Variants in PLXDC2 observed in about 807,000 individuals in gnomAD.
PLXDC2 encodes plexin domain containing 2.
Under a neutral mutation model 68.9 loss-of-function variants are expected in PLXDC2, and 40 were observed. The observed-to-expected ratio is 0.58, with a 90% CI of 0.45 to 0.76. The LOEUF (loss-of-function observed/expected upper bound fraction) is 0.76, where lower values mean the gene tolerates loss of function less well. Among genes scored for constraint, PLXDC2 ranks in the 30% least tolerant of loss-of-function variants. The pLI is 0.00. For missense variants in PLXDC2, 644 were observed against 661.9 expected (o/e 0.97, Z 0.30); for synonymous variants, 243 against 234.2 (o/e 1.04, Z -0.34).
chr10:19,893,674 G>A (rs186153273), intron 1 of PLXDC2, among the ~76,000 whole-genome samples: 2 of 152,330 alleles, frequency 1.3e-5, no homozygotes, highest in East Asian at 1.9e-4. Context: ...CATTAGATGT[G>A]TATGTAATAA....
At position 20,283,959 on chromosome 10, in the gene PLXDC2, G is replaced by A. The variant is rs535575832; in HGVS notation, c.*4140G>A. The A allele has an allele frequency of 9.2e-5, 14 of 152,004 alleles. 1 individual carries two copies. Among genetic ancestry groups the A allele is most frequent in the African/African-American group, 2.9e-4 (12 of 41,466 alleles). The allele number at this position is 152,004 out of a possible 1,614,324, so 9.4% of individuals were successfully genotyped here. ...GGTTAGTATCATTTATCAGTTTTTC[G>A]CAACAGATTCTTATGTTACATCTTC... is the stretch of plus-strand genomic sequence containing the variant. On this transcript the variant is annotated 3_prime_UTR_variant, in exon 14 of 14. Coordinates refer to ENST00000377252, the MANE Select transcript of PLXDC2 (RefSeq NM_032812.9).
chr10:20,067,146 T>C (rs1190663985), intron 3 of PLXDC2, among the ~76,000 whole-genome samples: 2 of 152,188 alleles, frequency 1.3e-5, no homozygotes, highest in Non-Finnish European at 2.9e-5. Flanking sequence ...TTAATATTTA[T>C]TTTTTAAAAA....
intron 1 of PLXDC2, among the ~76,000 whole-genome samples, chr10:19,867,018 T>G (rs1837430124): frequency 6.6e-6 from 1 of 151,792 alleles, no homozygotes; most frequent in Non-Finnish European, 1.5e-5. Flanking sequence ...AGGAAGAAAT[T>G]TAGAACAAAG....
At chr10:20,105,654 C>A (rs989406565) in intron 4 of PLXDC2, among the ~76,000 whole-genome samples, 6 of 152,080 alleles carry the variant, frequency 3.9e-5, no homozygotes, top group African/African-American at 1.4e-4. Context: ...TGCCCCCTAC[C>A]CCCACCTCAC....
rs925339235 is a variant in PLXDC2 at position 20,281,945 on chromosome 10, A to G, written c.*2126A>G. The G allele has an allele frequency of 6.6e-6, 1 of 152,150 alleles. No homozygotes were observed. The highest frequency in any genetic ancestry group is 1.5e-5 in the Non-Finnish European group (1 of 68,018). The allele number at this position is 152,150 out of a possible 1,614,324, so 9.4% of individuals were successfully genotyped here. ...ACAGTTATATAAATCTTGCATGTGT[A>G]TTCTTAGTTTGTGTCCCTTAAGTAC... On this transcript the variant is annotated 3_prime_UTR_variant, in exon 14 of 14. Coordinates refer to ENST00000377252, the MANE Select transcript of PLXDC2 (RefSeq NM_032812.9).
At chr10:20,210,878 C>G (rs1835060770) in intron 9 of PLXDC2, among the ~76,000 whole-genome samples, 1 of 152,142 alleles carries the variant, frequency 6.6e-6, no homozygotes, top group Non-Finnish European at 1.5e-5. Context: ...CAAGCTTGGT[C>G]TCCAGGGTTT....
intron 4 of PLXDC2, among the ~76,000 whole-genome samples, chr10:20,142,148 A>G (rs1175788440): frequency 6.6e-6 from 1 of 152,160 alleles, no homozygotes; most frequent in East Asian, 1.9e-4. Context: ...CAATCTGCCA[A>G]TGAAATATTT....
intron 2 of PLXDC2, among the ~76,000 whole-genome samples, chr10:20,030,296 A>G (rs149641298): frequency 2.0e-5 from 3 of 152,168 alleles, no homozygotes; most frequent in Non-Finnish European, 4.4e-5. Flanking sequence ...TTATAAGGAG[A>G]TAGGATCTCT....
At chr10:20,028,154 G>A (rs976979022) in intron 2 of PLXDC2, among the ~76,000 whole-genome samples, 4 of 152,172 alleles carry the variant, frequency 2.6e-5, no homozygotes, top group African/African-American at 9.7e-5. Context: ...GGTGTTACTT[G>A]CTTTTAATTC....
At chr10:20,147,086 G>A (rs529380531) in intron 5 of PLXDC2, among the ~76,000 whole-genome samples, 1 of 152,178 alleles carries the variant, frequency 6.6e-6, no homozygotes, top group Admixed American at 6.5e-5. Context: ...ATTAAACTAT[G>A]TTTCAGTTTT....
At chr10:20,143,868 T>G (rs187951645) in intron 5 of PLXDC2, among the ~76,000 whole-genome samples, 1 of 152,258 alleles carries the variant, frequency 6.6e-6, no homozygotes, top group East Asian at 1.9e-4. Context: ...TATAAAGTAG[T>G]TAGTTGTGGG....
intron 1 of PLXDC2, among the ~76,000 whole-genome samples, chr10:19,924,768 A>T (rs564877796): frequency 6.6e-5 from 10 of 152,270 alleles, no homozygotes; most frequent in African/African-American, 2.4e-4. Flanking sequence ...AAGACATTCA[A>T]CTTCTTGATG....
At chr10:20,266,293 C>A (rs1835871303) in intron 13 of PLXDC2, among the ~76,000 whole-genome samples, 2 of 148,880 alleles carry the variant, frequency 1.3e-5, no homozygotes, top group Admixed American at 6.7e-5. Flanking sequence ...AAAGTAAAAT[C>A]AAAGGCAGAT....
At chr10:20,101,101 T>C (rs769173085) in intron 4 of PLXDC2, among the ~76,000 whole-genome samples, 8 of 152,132 alleles carry the variant, frequency 5.3e-5, no homozygotes, top group East Asian at 1.9e-4. Flanking sequence ...AAAGGAAAAA[T>C]TGTGACAGAG....
chr10:19,934,833 C>T (rs979189506), intron 1 of PLXDC2, among the ~76,000 whole-genome samples: 4 of 152,158 alleles, frequency 2.6e-5, no homozygotes, highest in African/African-American at 9.7e-5. Context: ...GGGTCTTCAT[C>T]AAGACCTGTT....
At chr10:19,956,935 G>A (rs1219303655) in intron 1 of PLXDC2, among the ~76,000 whole-genome samples, 1 of 152,172 alleles carries the variant, frequency 6.6e-6, no homozygotes, top group Non-Finnish European at 1.5e-5. Context: ...CAATTAAGAA[G>A]TGCTACTGGG....
Position 20,263,961 on chromosome 10 carries a change from T to C in PLXDC2, c.1474-15742T>C, listed in dbSNP as rs370325735. Among the ~76,000 whole-genome samples, 8 of 152,202 alleles carry C rather than the reference T, an allele frequency of 5.3e-5. No homozygotes were observed. The South Asian group carries it at 8.3e-4, about 16-fold the overall frequency. ...GACCCAGCAATCCCATTACTTGGTA[T>C]ATATATATACCAAGAGGAATATAAA... is the stretch of plus-strand genomic sequence containing the variant. On this transcript the variant is annotated intron_variant, in intron 13 of 13. Coordinates refer to ENST00000377252, the MANE Select transcript of PLXDC2 (RefSeq NM_032812.9).
intron 7 of PLXDC2, among the ~76,000 whole-genome samples, chr10:20,172,245 A>AG (rs1384185658): frequency 1.3e-5 from 2 of 151,258 alleles, no homozygotes; most frequent in Non-Finnish European, 2.9e-5. Context: ...AAAAAAAAAA[A>AG]AAAAGAGAGA....
intron 2 of PLXDC2, among the ~76,000 whole-genome samples, chr10:20,017,803 A>G (rs912120921): frequency 1.3e-5 from 2 of 152,240 alleles, no homozygotes; most frequent in African/African-American, 4.8e-5. Context: ...AGCAAATTCA[A>G]GTGGGCTTGG....
Sources: allele counts gnomAD v4.1 joint callset (sites outside exome capture counted in the v4.1 genomes callset), GRCh38; gene constraint gnomAD v4.1.1; transcripts MANE v1.5; gene names NCBI Gene and HGNC (gene_info 2026-07-23, HGNC 2026-07-21).